The following USP25 variants were observed in gnomAD, a reference collection of about 807,000 sequenced individuals.
USP25 encodes the protein ubiquitin specific peptidase 25, also known as ubiquitin carboxyl-terminal hydrolase 25.
In USP25, 85 loss-of-function variants were observed where a neutral mutation model predicts 158.5. That is an observed-to-expected ratio of 0.54 (90% confidence interval 0.45 to 0.64). USP25 has a LOEUF of 0.64. Ranked by LOEUF, USP25 falls within the 30% of genes least tolerant of loss-of-function variation. The pLI is 0.00. For missense variants in USP25, 1,242 were observed against 1,327.3 expected, an observed-to-expected ratio of 0.94 and a Z score of 1.00; for synonymous variants, 464 against 460.4, an observed-to-expected ratio of 1.01 and a Z score of -0.10.
At chr21:15,743,209 C>G (rs1249204608) in intron 1 of USP25, among the ~76,000 whole-genome samples, 1 of 152,226 alleles carries the variant, frequency 6.6e-6, no homozygotes. Context: ...GGGGTCGCGG[C>G]TCATCACTCC....
rs1159019147 is a variant in USP25 at position 15,878,863 on chromosome 21, G to C, written c.*388G>C. ...GCACTGTGTACGATACATAATATTT[G>C]GTAGCTTGTAAATGAAATAAAGAAT... On this transcript the variant is annotated 3_prime_UTR_variant, in exon 26 of 26. Coordinates refer to ENST00000400183, the MANE Select transcript of USP25 (RefSeq NM_001283041.3). 1 of 156,520 alleles carries C rather than the reference G, an allele frequency of 6.4e-6. No individual in the cohort carries two copies. The highest frequency in any genetic ancestry group is 2.4e-5 in the African/African-American group (1 of 41,502). The allele number at this position is 156,520 out of a possible 1,614,324, so 9.7% of individuals were successfully genotyped here.
At chr21:15,801,338 G>A (rs1359198790) in intron 6 of USP25, among the ~76,000 whole-genome samples, 2 of 151,508 alleles carry the variant, frequency 1.3e-5, no homozygotes, top group African/African-American at 2.4e-5. Context: ...AGAGAAATGT[G>A]TAATTCCAGT....
At chr21:15,746,054 T>G (rs1475826126) in intron 1 of USP25, among the ~76,000 whole-genome samples, 2 of 152,254 alleles carry the variant, frequency 1.3e-5, no homozygotes, top group African/African-American at 4.8e-5. Context: ...TTCCTTTCTA[T>G]CCTTATGTGG....
At position 15,808,855 on chromosome 21, in the gene USP25, A is replaced by G; in HGVS notation, c.827A>G (p.Asp276Gly). ...CACAAATTATTAGATTGGTTAGAAG[A>G]TGCCTTCCAAATGAAAGCTGAAGAG... ...FTHKLLDWLE[D>G]AFQMKAEEET... The change falls in exon 8 of 26, where the codon GAT becomes GGT. Residue 276 changes from aspartate to glycine, a missense_variant. Asp to Gly is a moderately conservative substitution (Grantham distance 94, BLOSUM62 -1). This residue lies in a region of USP25 where 627 missense variants were observed against 701.4 expected (regional missense o/e 0.89). Coordinates refer to ENST00000400183, the MANE Select transcript of USP25 (RefSeq NM_001283041.3). 6.2e-7 allele frequency: 1 copy of G among 1,611,582 alleles called. No homozygotes were observed.
intron 3 of USP25, among the ~76,000 whole-genome samples, chr21:15,771,425 A>G (rs965839129): frequency 6.6e-6 from 1 of 152,222 alleles, no homozygotes; most frequent in Middle Eastern, 3.4e-3. Flanking sequence ...TCGTATTTGT[A>G]CAGATACCTG....
In USP25 at chr21:15,759,415, G is replaced by A. The variant is rs568291061; in HGVS notation, c.46-3476G>A. On this transcript the variant is annotated intron_variant, in intron 1 of 25. Transcript: ENST00000400183. The stretch of plus-strand genomic sequence containing the variant: ...ACAACATGTGTCTAAGGTGGTTGGG[G>A]TACAGCTTGCTTTTATACATTTTAA... 4.6e-4 allele frequency among the ~76,000 whole-genome samples: 70 copies of A among 151,910 alleles called. 1 individual carries two copies. In the South Asian group the frequency reaches 0.014, roughly 30 times the overall value.
In USP25 at chr21:15,877,769, CT is replaced by C. The variant is rs752412491; in HGVS notation, c.3010-17del. 3.4e-3 allele frequency: 4,508 copies of C among 1,314,764 alleles called. 5 individuals are homozygous for C. Among genetic ancestry groups the C allele is most frequent in the African/African-American group, 0.014 (934 of 65,800 alleles). The allele number at this position is 1,314,764 out of a possible 1,614,324, so 81.4% of individuals were successfully genotyped here. ...TTTAAAAAGGAAACAAAAACCTATT[CT>C]TTTTTTTTTCCTGCATTGCATTAAG... is the stretch of plus-strand genomic sequence containing the variant. On this transcript the variant is annotated intron_variant, in intron 24 of 25. Transcript: ENST00000400183.
intron 5 of USP25, among the ~76,000 whole-genome samples, chr21:15,795,750 A>G (rs2035831112): frequency 1.3e-5 from 2 of 151,494 alleles, no homozygotes; most frequent in African/African-American, 4.8e-5. Flanking sequence ...AGGGGAGGCA[A>G]TTGTCTGAAT....
In USP25 at chr21:15,831,322, G is replaced by T. The variant is rs148741257; in HGVS notation, c.1765-79G>T. 4.4e-4 allele frequency: 588 copies of T among 1,344,948 alleles called. 1 individual carries two copies. In the African/African-American group the frequency reaches 7.8e-3, roughly 18 times the overall value. The allele number at this position is 1,344,948 out of a possible 1,614,324, so 83.3% of individuals were successfully genotyped here. ...TGCTCTTATGGTTTTCTCCAAACAG[G>T]TTGTTTGTGGGTTTCATGGAATGTG... is the stretch of plus-strand genomic sequence containing the variant. On this transcript the variant is annotated intron_variant, in intron 15 of 25. Coordinates refer to ENST00000400183, the MANE Select transcript of USP25 (RefSeq NM_001283041.3).
chr21:15,841,651 T>C (rs908371429), intron 17 of USP25, among the ~76,000 whole-genome samples: 3 of 152,186 alleles, frequency 2.0e-5, no homozygotes, highest in African/African-American at 7.2e-5. Context: ...TAAAGTGTTA[T>C]AATATTGTCA....
intron 10 of USP25, among the ~76,000 whole-genome samples, chr21:15,821,768 T>C (rs936426458): frequency 6.6e-6 from 1 of 151,942 alleles, no homozygotes; most frequent in African/African-American, 2.4e-5. Context: ...GTGATAGGTG[T>C]GTTTTTTCTG....
At chr21:15,787,111 CACAA>C (rs1013422783) in intron 4 of USP25, among the ~76,000 whole-genome samples, 6 of 151,988 alleles carry the variant, frequency 3.9e-5, no homozygotes, top group African/African-American at 1.2e-4. Context: ...AAATATAAGA[CACAA>C]ACAAATGGAA....
chr21:15,828,443 T>A (rs527253896), intron 14 of USP25, among the ~76,000 whole-genome samples: 86 of 152,314 alleles, frequency 5.6e-4, no homozygotes, highest in African/African-American at 2.1e-3. Context: ...CTTAAAATAC[T>A]CTTTGGAGAC....
chr21:15,864,242 A>T (rs772523497), intron 20 of USP25, 26 bp from the exon 21 acceptor site: 17 of 1,588,170 alleles, frequency 1.1e-5, no homozygotes, highest in Non-Finnish European at 1.4e-5. Flanking sequence ...ATTAACCAAA[A>T]TTATCATTTT....
At chr21:15,830,696 G>C (rs1298922809) in intron 15 of USP25, 95 bp downstream of exon 15, 4 of 1,057,516 alleles carry the variant, frequency 3.8e-6, no homozygotes, top group Non-Finnish European at 5.1e-6. Context: ...TTCTTTACAT[G>C]TTTTGTTTTA....
chr21:15,824,954 T>G lies in USP25; in HGVS notation c.1209-12T>G. ...ATATTCGGAAATGCTAATGATTACCTTTTTCTGATAGATACATGCACAGAA... is the reference window on the plus strand; with the variant it reads ...ATATTCGGAAATGCTAATGATTACCGTTTTCTGATAGATACATGCACAGAA... On this transcript the variant is annotated splice_polypyrimidine_tract_variant and intron_variant, in intron 11 of 25. Transcript: ENST00000400183. The G allele has an allele frequency of 6.3e-7, 1 of 1,593,262 alleles. No homozygotes were observed. The highest frequency in any genetic ancestry group is 8.6e-7 in the Non-Finnish European group (1 of 1,164,016).
intron 17 of USP25, among the ~76,000 whole-genome samples, chr21:15,838,209 A>C (rs1227932567): frequency 1.3e-5 from 2 of 151,760 alleles, no homozygotes; most frequent in African/African-American, 4.8e-5. Flanking sequence ...GATTACAGGC[A>C]TGAAGCCACC....
At chr21:15,852,658 G>A (rs1331509376) in intron 20 of USP25, among the ~76,000 whole-genome samples, 1 of 152,064 alleles carries the variant, frequency 6.6e-6, no homozygotes, top group Non-Finnish European at 1.5e-5. Context: ...TTTGCTAATA[G>A]AATTTTTTTA....
chr21:15,751,946 T>A (rs971657804), intron 1 of USP25, among the ~76,000 whole-genome samples: 48 of 152,358 alleles, frequency 3.2e-4, no homozygotes, highest in Middle Eastern at 6.8e-3. Flanking sequence ...TAAAAAAATT[T>A]TTTTTAAGAC....
Sources: allele counts gnomAD v4.1 joint callset (sites outside exome capture counted in the v4.1 genomes callset), GRCh38; gene constraint gnomAD v4.1.1; regional missense constraint gnomAD v4.1.1; transcripts MANE v1.5; gene names NCBI Gene and HGNC (gene_info 2026-07-23, HGNC 2026-07-21).